Variants in PDE10A observed in about 807,000 individuals in gnomAD.
PDE10A encodes cAMP and cAMP-inhibited cGMP 3',5'-cyclic phosphodiesterase 10A.
Under a neutral mutation model 97.7 loss-of-function variants are expected in PDE10A, and 39 were observed. The observed-to-expected ratio is 0.40, with a 90% confidence interval of 0.31 to 0.52. PDE10A has a LOEUF of 0.52. PDE10A is among the 20% of genes least tolerant of loss of function. PDE10A has a pLI of 0.56. For missense variants in PDE10A, 731 were observed against 1,047.8 expected (o/e 0.70, Z 4.17); for synonymous variants, 371 against 376.8 (o/e 0.98, Z 0.18).
In PDE10A at chr6:165,655,806, G is replaced by A. The variant is rs967991797; in HGVS notation, c.865+6141C>T. On this transcript the variant is annotated intron_variant, in intron 1 of 21. Coordinates refer to ENST00000539869, the MANE Select transcript of PDE10A (RefSeq NM_001385079.1). This position sits in a 1 kb window ranked among gnomAD's most constrained non-coding sequence, Gnocchi z 4.5. ...CCTCTGACTGACAAAGCCTTCATCC[G>A]GCCCATTTGCCACTTCACTTGCCAC... 7.2e-5 allele frequency among the ~76,000 whole-genome samples: 11 copies of A among 152,030 alleles called. No homozygotes were observed. Among genetic ancestry groups the A allele is most frequent in the East Asian group, 3.9e-4 (2 of 5,162 alleles).
At chr6:165,566,789 G>T (rs953999297) in intron 1 of PDE10A, among the ~76,000 whole-genome samples, 5 of 152,082 alleles carry the variant, frequency 3.3e-5, no homozygotes, top group African/African-American at 1.2e-4. Context: ...CTCAACTCTA[G>T]TAAGTGAAAT....
At chr6:165,594,294 T>A (rs1271201705) in intron 1 of PDE10A, among the ~76,000 whole-genome samples, 1 of 152,180 alleles carries the variant, frequency 6.6e-6, no homozygotes, top group East Asian at 1.9e-4. Context: ...AGCAAGTGTT[T>A]CTGAGGTTAA....
At chr6:165,339,460 A>G in intron 19 of PDE10A, 102 bp from the exon 20 acceptor site, 2 of 767,136 alleles carry the variant, frequency 2.6e-6, no homozygotes, top group Admixed American at 2.1e-5. Context: ...TTTCTTCAAA[A>G]CAAATAATGT....
At chr6:165,471,057 A>G (rs1303553964) in intron 3 of PDE10A, among the ~76,000 whole-genome samples, 2 of 152,046 alleles carry the variant, frequency 1.3e-5, no homozygotes, top group Non-Finnish European at 2.9e-5. Flanking sequence ...ACAAATTCCA[A>G]TTGCTCCAAG....
intron 18 of PDE10A, among the ~76,000 whole-genome samples, chr6:165,348,351 T>C (rs922981002): frequency 6.6e-6 from 1 of 150,606 alleles, no homozygotes; most frequent in African/African-American, 2.5e-5. Context: ...TATCATAGCT[T>C]AAAACGCACC....
chr6:165,637,586 A>C (rs1372919579), intron 1 of PDE10A, among the ~76,000 whole-genome samples: 1 of 152,216 alleles, frequency 6.6e-6, no homozygotes, highest in Non-Finnish European at 1.5e-5. Context: ...GTCGGGCAGC[A>C]TAACAGGGTC....
At chr6:165,974,967 G>C (rs1784805727) in intron 1 of PDE10A, among the ~76,000 whole-genome samples, 1 of 152,182 alleles carries the variant, frequency 6.6e-6, no homozygotes, top group Non-Finnish European at 1.5e-5. Context: ...GGTTAACCGG[G>C]ACAAGGTATT....
At chr6:165,943,536 C>G (rs1215433740) in intron 1 of PDE10A, among the ~76,000 whole-genome samples, 1 of 152,150 alleles carries the variant, frequency 6.6e-6, no homozygotes, top group African/African-American at 2.4e-5. Context: ...TGGGAAGCCA[C>G]TGGCGTAAGT....
intron 1 of PDE10A, among the ~76,000 whole-genome samples, chr6:165,727,401 GGAGA>G (rs1210345938): frequency 6.6e-6 from 1 of 152,210 alleles, no homozygotes. Context: ...GCTGGCTGAG[GGAGA>G]GAGAGGAGGC....
chr6:165,824,987 A>AG (rs1779687469), intron 1 of PDE10A, among the ~76,000 whole-genome samples: 1 of 149,392 alleles, frequency 6.7e-6, no homozygotes, highest in African/African-American at 2.5e-5. Context: ...AAAAAAAAAA[A>AG]AAATACAAAA....
intron 1 of PDE10A, among the ~76,000 whole-genome samples, chr6:165,794,000 C>T (rs764186550): frequency 2.0e-4 from 30 of 152,100 alleles, no homozygotes; most frequent in Non-Finnish European, 3.7e-4. Flanking sequence ...AAATTAATGC[C>T]AGTCCAGTCT....
intron 2 of PDE10A, among the ~76,000 whole-genome samples, chr6:165,522,510 G>A (rs570376759): frequency 7.2e-5 from 11 of 152,064 alleles, no homozygotes; most frequent in Admixed American, 2.0e-4. Flanking sequence ...ATAAAAAAAG[G>A]TCTTTTTAAA....
At chr6:165,857,553 G>A (rs952853318) in intron 1 of PDE10A, among the ~76,000 whole-genome samples, 9 of 152,260 alleles carry the variant, frequency 5.9e-5, no homozygotes, top group Non-Finnish European at 1.2e-4. Context: ...TGAGGACACC[G>A]GCATCCTTTG....
chr6:165,565,443 C>T (rs930733136), intron 1 of PDE10A, among the ~76,000 whole-genome samples: 1 of 151,992 alleles, frequency 6.6e-6, no homozygotes, highest in Non-Finnish European at 1.5e-5. Flanking sequence ...ATGAAAAAAA[C>T]TCAAACAACT....
Position 165,327,679 on chromosome 6 carries a change from C to G in PDE10A, c.*5346G>C, listed in dbSNP as rs1781121574. On this transcript the variant is annotated 3_prime_UTR_variant, in exon 22 of 22. Coordinates refer to ENST00000539869, the MANE Select transcript of PDE10A (RefSeq NM_001385079.1). ...GTTAAGACCTCTTTAAATTATTGCACTTGCGCATTTTACAAAGATTTTTGT... is the reference window on the plus strand; with the variant it reads ...GTTAAGACCTCTTTAAATTATTGCAGTTGCGCATTTTACAAAGATTTTTGT... 1 of 152,196 alleles carries G rather than the reference C, an allele frequency of 6.6e-6. No individual in the cohort carries two copies. The highest frequency in any genetic ancestry group is 6.5e-5 in the Admixed American group (1 of 15,282). 9.4% of individuals were successfully genotyped at this position (152,196 alleles called of 1,614,324 possible).
At position 165,392,795 on chromosome 6, in the gene PDE10A, A is replaced by C. The variant is rs1275733605; in HGVS notation, c.2305T>G (p.Phe769Val). ...AAACGACACAACTTTTCAAGCTCAAAGCTGCATGGAAAAGAAATTGTTATG... is the reference window on the plus strand; with the variant it reads ...AAACGACACAACTTTTCAAGCTCAACGCTGCATGGAAAAGAAATTGTTATG... ...MVHRSCGTSC[F>V]ELEKLCRFIM... The change falls in exon 16 of 22, where the codon TTT becomes GTT. Residue 769 changes from phenylalanine to valine, a missense_variant and splice_region_variant. By Grantham distance (50) the Phe-to-Val change is conservative. Around this residue, in one of 8 missense-constraint regions of PDE10A, gnomAD observed 131 missense variants for 187.4 expected, o/e 0.70. Coordinates refer to ENST00000539869, the MANE Select transcript of PDE10A (RefSeq NM_001385079.1). 1 of 1,613,846 alleles carries C rather than the reference A, an allele frequency of 6.2e-7. No individual in the cohort carries two copies. The highest frequency in any genetic ancestry group is 8.5e-7 in the Non-Finnish European group (1 of 1,179,810).
intron 1 of PDE10A, among the ~76,000 whole-genome samples, chr6:165,909,338 A>G (rs1301543776): frequency 3.3e-5 from 5 of 152,214 alleles, no homozygotes; most frequent in Non-Finnish European, 2.9e-5. Context: ...TGAGCTGGCA[A>G]TGGGAGCCAC....
intron 17 of PDE10A, among the ~76,000 whole-genome samples, chr6:165,380,384 T>C (rs1784858501): frequency 6.6e-6 from 1 of 152,198 alleles, no homozygotes; most frequent in African/African-American, 2.4e-5. Flanking sequence ...ACTAAGACAC[T>C]GTCTCTTCAT....
At chr6:165,659,631 C>T (rs1269011922) in intron 1 of PDE10A, among the ~76,000 whole-genome samples, 1 of 152,230 alleles carries the variant, frequency 6.6e-6, no homozygotes, top group Non-Finnish European at 1.5e-5. Flanking sequence ...ACTGTTCTAA[C>T]CTTTTGCTCC....
Sources: gnomAD v4.1 joint callset for allele counts (sites outside exome capture counted in the v4.1 genomes callset) on GRCh38, gnomAD v4.1.1 for gene constraint, gnomAD v4.1.1 regional missense constraint, Gnocchi (gnomAD v3.1) non-coding constraint, MANE v1.5 for transcripts, NCBI Gene and HGNC (gene_info 2026-07-23, HGNC 2026-07-21) for gene names.